Variants in ANO4 observed in about 807,000 individuals in gnomAD.
ANO4 encodes anoctamin 4, also known as anoctamin-4.
In ANO4, 69 loss-of-function variants were observed where a neutral mutation model predicts 141.9. The ratio of observed to expected loss-of-function variants is 0.49; its 90% CI spans 0.40 to 0.59. The LOEUF is 0.59. ANO4 is among the 20% of genes least tolerant of loss of function. ANO4 has a pLI of 0.00. For missense variants in ANO4, 894 were observed against 1,162.2 expected, an observed-to-expected ratio of 0.77 and a Z score of 3.36; for synonymous variants, 350 against 394.3, an observed-to-expected ratio of 0.89 and a Z score of 1.33.
chr12:100,828,398 T>C (rs2036472138), intron 1 of ANO4, among the ~76,000 whole-genome samples: 1 of 152,162 alleles, frequency 6.6e-6, no homozygotes, highest in African/African-American at 2.4e-5. Flanking sequence ...CTGCTAGTGC[T>C]TTCCCCATCC....
intron 1 of ANO4, among the ~76,000 whole-genome samples, chr12:100,894,846 G>A (rs2040268176): frequency 6.6e-6 from 1 of 151,318 alleles, no homozygotes; most frequent in Non-Finnish European, 1.5e-5. Context: ...GGCGCCTGTA[G>A]TCCCAGCTAC....
intron 14 of ANO4, among the ~76,000 whole-genome samples, chr12:101,077,785 C>T (rs2049079011): frequency 6.6e-6 from 1 of 152,134 alleles, no homozygotes; most frequent in Non-Finnish European, 1.5e-5. Context: ...CAGGGCTCAC[C>T]ACCAGATGAG....
chr12:101,068,673 C>A, intron 14 of ANO4: 2 of 1,311,934 alleles, frequency 1.5e-6, no homozygotes, highest in South Asian at 1.2e-5. Flanking sequence ...TCCTTATTAA[C>A]TATTAGAGTA....
chr12:100,806,527 T>C lies in ANO4; in HGVS notation c.-141+11500T>C, dbSNP rs1326555062. ...TAGGAGGTTTTTTTTTTGTTTCGTT[T>C]TTTTTTTTTTTTTTTTTTTTTTTTT... On this transcript the variant is annotated intron_variant, in intron 1 of 27. Transcript: ENST00000392977. Among the ~76,000 whole-genome samples the C allele has an allele frequency of 1.4e-3, 39 of 28,036 alleles. No homozygotes were observed. The South Asian group carries it at 0.045, about 32-fold the overall frequency. The allele number at this position is 28,036 out of a possible 152,430, so 18.4% of individuals were successfully genotyped here.
Position 101,083,814 on chromosome 12 carries a change from T to C in ANO4, c.1532T>C (p.Phe511Ser). 1 of 1,559,980 alleles carries C rather than the reference T, an allele frequency of 6.4e-7. No individual in the cohort carries two copies. Among genetic ancestry groups the C allele is most frequent in the Non-Finnish European group, 8.6e-7 (1 of 1,163,726 alleles). Residue 511 changes from phenylalanine to serine, a missense_variant, in exon 16 of 28, where the codon TTT (phenylalanine) becomes TCT (serine). Coordinates refer to ENST00000392977, the MANE Select transcript of ANO4 (RefSeq NM_001286615.2). ...RLIVSASGIF[F>S]MICVVIAAVF... The stretch of plus-strand genomic sequence containing the variant: ...ATCGTTTCTGCATCTGGAATATTTT[T>C]TATGGTTTGAAACTTTTAAAAAAAT...
intron 5 of ANO4, among the ~76,000 whole-genome samples, chr12:100,950,172 T>A (rs1270903414): frequency 6.6e-6 from 1 of 152,112 alleles, no homozygotes; most frequent in African/African-American, 2.4e-5. Context: ...TAAATGAGTG[T>A]CAGGACTATG....
intron 7 of ANO4, among the ~76,000 whole-genome samples, chr12:100,978,787 G>A (rs1436995167): frequency 6.6e-6 from 1 of 152,190 alleles, no homozygotes; most frequent in East Asian, 1.9e-4. Flanking sequence ...AAATATTGTT[G>A]GAGGTAAAAG....
At chr12:101,070,310 A>C (rs1442469076) in intron 14 of ANO4, among the ~76,000 whole-genome samples, 1 of 152,122 alleles carries the variant, frequency 6.6e-6, no homozygotes, top group African/African-American at 2.4e-5. Flanking sequence ...TACTAGCATA[A>C]AAAAACAGAC....
chr12:101,093,372 A>C (rs10732666), intron 17 of ANO4, among the ~76,000 whole-genome samples: 77,837 of 152,040 alleles, frequency 0.51, 22,563 homozygotes, highest in African/African-American at 0.81. Flanking sequence ...GGAACTTGCC[A>C]AAGTCCTGTA....
chr12:100,751,180 C>G (rs1001986196), intron 3 of ANO4, among the ~76,000 whole-genome samples: 2 of 152,086 alleles, frequency 1.3e-5, no homozygotes, highest in African/African-American at 4.8e-5. Context: ...AAGATTCAGC[C>G]GAGAGCCATC....
chr12:100,900,995 A>G (rs1305945579), intron 1 of ANO4, among the ~76,000 whole-genome samples: 2 of 152,232 alleles, frequency 1.3e-5, no homozygotes, highest in Non-Finnish European at 2.9e-5. Flanking sequence ...CATATTAATG[A>G]TGTAATCTAT....
chr12:101,002,335 G>A (rs1163452627), intron 8 of ANO4, among the ~76,000 whole-genome samples: 1 of 152,222 alleles, frequency 6.6e-6, no homozygotes, highest in African/African-American at 2.4e-5. Flanking sequence ...TCATGCCCTT[G>A]GCTGTGCACC....
intron 14 of ANO4, among the ~76,000 whole-genome samples, chr12:101,054,790 G>A (rs899487676): frequency 1.3e-5 from 2 of 151,852 alleles, no homozygotes; most frequent in African/African-American, 4.9e-5. Flanking sequence ...CCCGGCCTAA[G>A]AGAACATTTT....
At chr12:100,733,230 CCTT>C (rs1223456469) in intron 1 of ANO4, among the ~76,000 whole-genome samples, 2 of 152,168 alleles carry the variant, frequency 1.3e-5, no homozygotes, top group African/African-American at 4.8e-5. Context: ...GCTCATCTCT[CCTT>C]CTCTTACTGC....
intron 1 of ANO4, among the ~76,000 whole-genome samples, chr12:100,721,211 T>A (rs2030849749): frequency 6.6e-6 from 1 of 152,226 alleles, no homozygotes; most frequent in South Asian, 2.1e-4. Context: ...CTGTTTTCTA[T>A]AGAGTATCTC....
At chr12:100,994,966 C>G (rs1272449801) in intron 8 of ANO4, among the ~76,000 whole-genome samples, 1 of 152,132 alleles carries the variant, frequency 6.6e-6, no homozygotes, top group Admixed American at 6.5e-5. Context: ...GCCAGGGATG[C>G]TGCTGAACAT....
At chr12:101,061,683 T>C (rs982392931) in intron 14 of ANO4, among the ~76,000 whole-genome samples, 1 of 151,902 alleles carries the variant, frequency 6.6e-6, no homozygotes, top group Non-Finnish European at 1.5e-5. Context: ...CGACTATTGA[T>C]ACTTGTATAT....
At chr12:100,751,325 A>G (rs1045746938) in intron 3 of ANO4, among the ~76,000 whole-genome samples, 2 of 152,080 alleles carry the variant, frequency 1.3e-5, no homozygotes, top group Non-Finnish European at 2.9e-5. Flanking sequence ...CAAGCATGGA[A>G]AATCTCTGCT....
chr12:100,840,535 A>G (rs1019890818), intron 1 of ANO4, among the ~76,000 whole-genome samples: 1 of 152,126 alleles, frequency 6.6e-6, no homozygotes, highest in Admixed American at 6.6e-5. Flanking sequence ...GATGGAACCT[A>G]GATTGGGTGA....
Sources: allele counts gnomAD v4.1 joint callset (sites outside exome capture counted in the v4.1 genomes callset), GRCh38; gene constraint gnomAD v4.1.1; transcripts MANE v1.5; gene names NCBI Gene and HGNC (gene_info 2026-07-23, HGNC 2026-07-21).